The following SGTB variants were observed in gnomAD, a reference collection of about 807,000 sequenced individuals.
SGTB encodes the protein small glutamine-rich tetratricopeptide repeat-containing protein beta.
In SGTB, 19 loss-of-function variants were observed where a neutral mutation model predicts 43.9. The ratio of observed to expected loss-of-function variants is 0.43; its 90% CI spans 0.30 to 0.63. The LOEUF (loss-of-function observed/expected upper bound fraction) is 0.63, where lower values mean the gene tolerates loss of function less well. Ranked by LOEUF, SGTB falls within the 30% of genes least tolerant of loss-of-function variation. SGTB has a pLI of 0.12. For missense variants in SGTB, 304 were observed against 358.9 expected (o/e 0.85, Z 1.24); for synonymous variants, 116 against 117.3 (o/e 0.99, Z 0.07).
intron 5 of SGTB, among the ~76,000 whole-genome samples, chr5:65,691,823 C>T (rs1383122618): frequency 6.6e-6 from 1 of 150,714 alleles, no homozygotes; most frequent in Non-Finnish European, 1.5e-5. Context: ...CCCAGCTACT[C>T]GGGAGGCCGA....
intron 4 of SGTB, among the ~76,000 whole-genome samples, chr5:65,707,884 A>AAGG (rs5868416): frequency 0.027 from 4,043 of 152,282 alleles, 174 homozygotes; most frequent in African/African-American, 0.092. Context: ...TGCTAAAGAT[A>AAGG]AGGACTATAC....
chr5:65,708,322 T>C (rs1376136114), intron 4 of SGTB, among the ~76,000 whole-genome samples, 167 bp downstream of exon 4: 2 of 152,214 alleles, frequency 1.3e-5, no homozygotes, highest in Non-Finnish European at 2.9e-5. Flanking sequence ...AGCCATTCTG[T>C]ACTTCCAGGC....
chr5:65,691,155 AG>A (rs1757599650), intron 5 of SGTB, among the ~76,000 whole-genome samples: 1 of 152,236 alleles, frequency 6.6e-6, no homozygotes, highest in South Asian at 2.1e-4. Context: ...CTGTGATGCT[AG>A]TGAATTGAAG....
chr5:65,687,215 C>A (rs1222765743), intron 5 of SGTB, among the ~76,000 whole-genome samples: 2 of 152,200 alleles, frequency 1.3e-5, no homozygotes, highest in African/African-American at 4.8e-5. Flanking sequence ...AGCCTGGTTT[C>A]CACAAAGCAG....
chr5:65,681,962 C>A (rs2112511), intron 6 of SGTB, among the ~76,000 whole-genome samples: 2 of 147,234 alleles, frequency 1.4e-5, no homozygotes, highest in South Asian at 4.4e-4. Context: ...AAAACAAGAG[C>A]GAAATTCCAT....
intron 5 of SGTB, among the ~76,000 whole-genome samples, chr5:65,691,240 A>G (rs1757601496): frequency 6.6e-6 from 1 of 152,164 alleles, no homozygotes; most frequent in Non-Finnish European, 1.5e-5. Context: ...TAGAAGCAAT[A>G]AGACCTTAGT....
At chr5:65,689,688 A>T (rs1757568848) in intron 5 of SGTB, among the ~76,000 whole-genome samples, 1 of 152,138 alleles carries the variant, frequency 6.6e-6, no homozygotes, top group South Asian at 2.1e-4. Flanking sequence ...GGATACAGCA[A>T]TAAGCAAAAT....
At position 65,666,585 on chromosome 5, in the gene SGTB, T is replaced by G. The variant is rs1484073719; in HGVS notation, c.*3661A>C. 6.6e-6 allele frequency: 1 copy of G among 152,170 alleles called. No individual in the cohort carries two copies. Among genetic ancestry groups the G allele is most frequent in the Non-Finnish European group, 1.5e-5 (1 of 67,976 alleles). The allele number at this position is 152,170 out of a possible 1,614,324, so 9.4% of individuals were successfully genotyped here. A position where few individuals can be genotyped will look rare whatever the true frequency, so the allele number is the denominator to read the frequency against. On this transcript the variant is annotated 3_prime_UTR_variant, in exon 11 of 11. Coordinates refer to ENST00000381007, the MANE Select transcript of SGTB (RefSeq NM_019072.3). ...GACAAGCAAGAAAATATATGGGGCA[T>G]TTTTTATAAATTTAAAAGTAGCTAG... is the stretch of plus-strand genomic sequence containing the variant.
chr5:65,702,505 C>T (rs1304406335), intron 5 of SGTB, among the ~76,000 whole-genome samples: 1 of 152,024 alleles, frequency 6.6e-6, no homozygotes. Flanking sequence ...GGTTCAGACC[C>T]GTGTTAAAAA....
chr5:65,693,246 G>GAGGAAGGAAGGAAGGA (rs377444862), intron 5 of SGTB, among the ~76,000 whole-genome samples: 1 of 149,316 alleles, frequency 6.7e-6, no homozygotes, highest in African/African-American at 2.5e-5. Flanking sequence ...GAAAGAGAGA[G>GAGGAAGGAAGGAAGGA]AGGAAGGAAG....
rs1193779949 is a variant in SGTB at position 65,708,524 on chromosome 5, T to C, written c.239A>G (p.Glu80Gly). 1 of 1,613,750 alleles carries C rather than the reference T, an allele frequency of 6.2e-7. No individual in the cohort carries two copies. The highest frequency in any genetic ancestry group is 1.7e-5 in the Admixed American group (1 of 59,964). ...TAATTGGTCAGCTTTTCCCACATCT[T>C]CAGGCACTGAGTTTGAAAGGGGCAG... ...DVLPLSNSVPEDVGKADQLKD... is the reference protein window; with the variant it reads ...DVLPLSNSVPGDVGKADQLKD... Residue 80 changes from glutamate to glycine, a missense_variant, in exon 4 of 11, where the codon GAA becomes GGA. Glu to Gly is a moderately conservative substitution (Grantham distance 98). Coordinates refer to ENST00000381007, the MANE Select transcript of SGTB (RefSeq NM_019072.3).
intron 9 of SGTB, 21 bp from the exon 10 acceptor site, chr5:65,672,019 A>G: frequency 6.2e-7 from 1 of 1,610,938 alleles, no homozygotes; most frequent in East Asian, 2.2e-5. Flanking sequence ...CAAGAAATAC[A>G]TCACTGGGAT....
intron 1 of SGTB, 56 bp from the exon 2 acceptor site, chr5:65,720,885 A>G: frequency 1.3e-6 from 2 of 1,548,060 alleles, no homozygotes; most frequent in Non-Finnish European, 1.7e-6. Context: ...TCAGTCAGGA[A>G]AGTCATAAAT....
chr5:65,706,588 T>A (rs967739473), intron 4 of SGTB, among the ~76,000 whole-genome samples: 1 of 152,202 alleles, frequency 6.6e-6, no homozygotes, highest in Non-Finnish European at 1.5e-5. Flanking sequence ...TCCTGGCACT[T>A]TGGGAGGCCG....
chr5:65,681,386 A>G (rs1404987165), intron 6 of SGTB, among the ~76,000 whole-genome samples: 1 of 152,224 alleles, frequency 6.6e-6, no homozygotes, highest in African/African-American at 2.4e-5. Flanking sequence ...TTAAATTTTA[A>G]TGTTCATATT....
chr5:65,689,250 C>A (rs1486381779), intron 5 of SGTB, among the ~76,000 whole-genome samples: 2 of 152,170 alleles, frequency 1.3e-5, no homozygotes, highest in Non-Finnish European at 2.9e-5. Flanking sequence ...AGTAAAAACA[C>A]TTATCTGTGT....
chr5:65,696,670 C>T lies in SGTB; in HGVS notation c.374+7609G>A, dbSNP rs1265249078. ...AATATGCATATAAGATAAGGCAGAA[C>T]GTATGATAAGCATACGATAAAACAT... On this transcript the variant is annotated intron_variant, in intron 5 of 10. Transcript: ENST00000381007. Among the ~76,000 whole-genome samples the T allele has an allele frequency of 3.3e-5, 5 of 152,252 alleles. No homozygotes were observed. The South Asian group carries it at 6.2e-4, about 19-fold the overall frequency.
intron 4 of SGTB, among the ~76,000 whole-genome samples, chr5:65,706,220 A>G (rs1406094291): frequency 6.6e-6 from 1 of 152,236 alleles, no homozygotes; most frequent in East Asian, 1.9e-4. Context: ...AAATCAATAG[A>G]AAGCCTCTAA....
In SGTB at chr5:65,684,960, A is replaced by G. The variant is rs571894482; in HGVS notation, c.479+408T>C. Among the ~76,000 whole-genome samples the G allele has an allele frequency of 2.0e-5, 3 of 152,344 alleles. No homozygotes were observed. In the South Asian group the frequency reaches 6.2e-4, roughly 32 times the overall value. On this transcript the variant is annotated intron_variant, in intron 6 of 10. Transcript: ENST00000381007. ...AATGAGTTGTTTTCCTTCAAAAAGCATCTAGCTTCTCAATTAAGTGTAAGG... is the reference window on the plus strand; with the variant it reads ...AATGAGTTGTTTTCCTTCAAAAAGCGTCTAGCTTCTCAATTAAGTGTAAGG...
Sources: gnomAD v4.1 joint callset for allele counts (sites outside exome capture counted in the v4.1 genomes callset) on GRCh38, gnomAD v4.1.1 for gene constraint, MANE v1.5 for transcripts, NCBI Gene and HGNC (gene_info 2026-07-23, HGNC 2026-07-21) for gene names.